The following CAPN14 variants were observed in gnomAD, a reference collection of about 807,000 sequenced individuals.
CAPN14 encodes the protein calpain 14.
CAPN14 carries 94 observed loss-of-function variants against 101.3 expected under a neutral mutation model. That is an observed-to-expected ratio of 0.93 (90% CI 0.79 to 1.10). The LOEUF is 1.10. Among genes scored for constraint, CAPN14 ranks in the 50% least tolerant of loss-of-function variants. The probability of loss-of-function intolerance (pLI) is 0.00; values close to 1 mark genes in which losing one functional copy is unlikely to be tolerated. For missense variants in CAPN14, 837 were observed against 828.4 expected, an observed-to-expected ratio of 1.01 and a Z score of -0.13; for synonymous variants, 338 against 317.9, an observed-to-expected ratio of 1.06 and a Z score of -0.67.
At chr2:31,194,509 G>T (rs1380397277) in intron 8 of CAPN14, 26 bp from the exon 9 acceptor site, 2 of 1,495,782 alleles carry the variant, frequency 1.3e-6, no homozygotes, top group Admixed American at 2.0e-5. Flanking sequence ...GGAATGAAAA[G>T]CTTGTGGGGA....
At chr2:31,227,181 A>T (rs1191874577) in intron 1 of CAPN14, among the ~76,000 whole-genome samples, 1 of 152,166 alleles carries the variant, frequency 6.6e-6, no homozygotes, top group African/African-American at 2.4e-5. Context: ...AACCAGATAC[A>T]CACCGCTGCC....
chr2:31,232,649 C>G (rs1188515637), intron 1 of CAPN14, among the ~76,000 whole-genome samples: 2 of 152,156 alleles, frequency 1.3e-5, no homozygotes, highest in Non-Finnish European at 2.9e-5. Context: ...AAACCATCAG[C>G]TCTCACGAGA....
At chr2:31,177,185 C>T in intron 19 of CAPN14, 43 bp from the exon 20 acceptor site, 1 of 1,376,370 alleles carries the variant, frequency 7.3e-7, no homozygotes, top group Non-Finnish European at 1.0e-6. Context: ...TGGGGGCTTG[C>T]ACCCAGCTCC....
intron 16 of CAPN14, among the ~76,000 whole-genome samples, chr2:31,183,244 C>T (rs1409839273): frequency 7.9e-4 from 120 of 152,088 alleles, no homozygotes; most frequent in Non-Finnish European, 1.5e-3. Flanking sequence ...TAGAAGAAAA[C>T]CTAGGCAATA....
chr2:31,215,093 C>T (rs1390229385), intron 1 of CAPN14, among the ~76,000 whole-genome samples: 1 of 152,186 alleles, frequency 6.6e-6, no homozygotes, highest in Non-Finnish European at 1.5e-5. Context: ...ACTTTCAACC[C>T]CAAGAGGTAG....
At position 31,191,397 on chromosome 2, in the gene CAPN14, AC is replaced by A; in HGVS notation, c.1287+1del. 2 of 1,542,602 alleles carry A rather than the reference AC, an allele frequency of 1.3e-6. No homozygotes were observed. The highest frequency in any genetic ancestry group is 1.7e-6 in the Non-Finnish European group (2 of 1,145,096). ...GGCCACCCGGTCAAGTGCAGAACTC[AC>A]CTTGTTCATCTAAAAAACAAAAACA... On this transcript the variant is annotated splice_donor_variant, in intron 12 of 21. Coordinates refer to ENST00000403897, the MANE Select transcript of CAPN14 (RefSeq NM_001145122.2). LOFTEE classifies it high-confidence loss of function.
rs143738720 is a variant in CAPN14 at position 31,188,519 on chromosome 2, T to C, written c.1494-165A>G. Reference sequence around the variant, plus strand: ...CTCCTGCTTCCCCTTGAACTGTACATTCCAGCCATGTGCACAGCACACTGC... The same window carrying C: ...CTCCTGCTTCCCCTTGAACTGTACACTCCAGCCATGTGCACAGCACACTGC... On this transcript the variant is annotated intron_variant, in intron 13 of 21. Coordinates refer to ENST00000403897, the MANE Select transcript of CAPN14 (RefSeq NM_001145122.2). Among the ~76,000 whole-genome samples, 1,394 of 152,228 alleles carry C rather than the reference T, an allele frequency of 9.2e-3. 30 individuals are homozygous for C. The highest frequency in any genetic ancestry group is 0.032 in the African/African-American group (1,334 of 41,554).
intron 1 of CAPN14, among the ~76,000 whole-genome samples, chr2:31,228,095 G>A (rs952510766): frequency 1.7e-4 from 26 of 152,248 alleles, no homozygotes; most frequent in African/African-American, 1.7e-4. Flanking sequence ...GCACGCATGC[G>A]TGCATGGTTG....
At position 31,177,153 on chromosome 2, in the gene CAPN14, C is replaced by T; in HGVS notation, c.1856-11G>A. The T allele has an allele frequency of 6.5e-7, 1 of 1,541,836 alleles. No homozygotes were observed. Among genetic ancestry groups the T allele is most frequent in the Non-Finnish European group, 8.8e-7 (1 of 1,139,112 alleles). On this transcript the variant is annotated splice_polypyrimidine_tract_variant and intron_variant, in intron 19 of 21. Transcript: ENST00000403897. Reference sequence around the variant, plus strand: ...CACTGAGCATGATTCCTGCATTGAGCACAAGCTCCTGCTGTGGGTATTGGG... The same window carrying T: ...CACTGAGCATGATTCCTGCATTGAGTACAAGCTCCTGCTGTGGGTATTGGG...
intron 5 of CAPN14, among the ~76,000 whole-genome samples, chr2:31,201,411 G>A (rs141656669): frequency 5.3e-4 from 80 of 152,276 alleles, no homozygotes; most frequent in African/African-American, 1.9e-3. Flanking sequence ...CAAGCAGGTG[G>A]ATCCCCTGCT....
rs141441907 is a variant in CAPN14 at position 31,204,600 on chromosome 2, T to C, written c.225+623A>G. 1.2e-3 allele frequency among the ~76,000 whole-genome samples: 181 copies of C among 152,100 alleles called. 1 individual carries two copies. In the Middle Eastern group the frequency reaches 0.014, roughly 11 times the overall value. On this transcript the variant is annotated intron_variant, in intron 2 of 21. Transcript: ENST00000403897. ...TCATGCCTAGGTAATAAAGCCTCTA[T>C]AAAAACCCAAAAGGACAGGGTGTAA... is the stretch of plus-strand genomic sequence containing the variant.
chr2:31,219,734 G>C (rs191813368), upstream of CAPN14, among the ~76,000 whole-genome samples: 160 of 152,286 alleles, frequency 1.1e-3, 1 homozygote, highest in Non-Finnish European at 1.7e-3. Context: ...CACAGATGTA[G>C]GTTCACTAAC....
At chr2:31,193,040 C>T (rs983991730) in intron 10 of CAPN14, 91 bp downstream of exon 10, 7 of 1,288,024 alleles carry the variant, frequency 5.4e-6, no homozygotes, top group Non-Finnish European at 6.4e-6. Context: ...TCAGCCAATG[C>T]AGAATTCGTG....
In CAPN14 at chr2:31,187,753, C is replaced by A; in HGVS notation, c.1587+5G>T. ...CTCACCCCCCACCACACCTGTTCAA[C>A]TAACCTTTTCAAAGAATTTGGTGAA... is the stretch of plus-strand genomic sequence containing the variant. On this transcript the variant is annotated splice_donor_5th_base_variant and intron_variant, in intron 15 of 21. Coordinates refer to ENST00000403897, the MANE Select transcript of CAPN14 (RefSeq NM_001145122.2). The A allele has an allele frequency of 6.4e-7, 1 of 1,551,238 alleles. No individual in the cohort carries two copies. Among genetic ancestry groups the A allele is most frequent in the South Asian group, 1.2e-5 (1 of 84,046 alleles).
Position 31,206,021 on chromosome 2 carries a change from A to ATTTTTTTTTTTTTTTTTTT in CAPN14, c.-52-523_-52-522insAAAAAAAAAAAAAAAAAAA, listed in dbSNP as rs200116287. ...CAAAACCTCCTCCTACATTATCTTT[A>ATTTTTTTTTTTTTTTTTTT]TTTTTTTTATTTATTTATTTTTTTT... is the stretch of plus-strand genomic sequence containing the variant. On this transcript the variant is annotated intron_variant, in intron 1 of 21. Coordinates refer to ENST00000403897, the MANE Select transcript of CAPN14 (RefSeq NM_001145122.2). 1.8e-5 allele frequency among the ~76,000 whole-genome samples: 2 copies of ATTTTTTTTTTTTTTTTTTT among 108,752 alleles called. 1 individual carries two copies. The allele number at this position is 108,752 out of a possible 152,430, so 71.3% of individuals were successfully genotyped here.
In CAPN14 at chr2:31,205,319, G is replaced by A. The variant is rs1223145579; in HGVS notation, c.129C>T (p.Leu43=). The A allele has an allele frequency of 6.4e-7, 1 of 1,551,002 alleles. No individual in the cohort carries two copies. The highest frequency in any genetic ancestry group is 2.0e-5 in the Admixed American group (1 of 51,000). The change falls in exon 2 of 22, where the codon CTC becomes CTT. Residue 43 remains leucine (L), a synonymous_variant. Coordinates refer to ENST00000403897, the MANE Select transcript of CAPN14 (RefSeq NM_001145122.2). ...LLAECLRNGC[L]FEDTSFPATL... ...TGGCCGGGAAGCTGGTGTCTTCAAA[G>A]AGGCAGCCATTCCTCAGGCACTCTG...
At chr2:31,182,740 C>T (rs542253253) in intron 16 of CAPN14, among the ~76,000 whole-genome samples, 132 of 150,720 alleles carry the variant, frequency 8.8e-4, no homozygotes, top group African/African-American at 3.0e-3. Flanking sequence ...GAATCAATAT[C>T]GTGAAAATGG....
intron 1 of CAPN14, among the ~76,000 whole-genome samples, chr2:31,216,619 C>T (rs545100185): frequency 6.6e-6 from 1 of 152,118 alleles, no homozygotes; most frequent in South Asian, 2.1e-4. Flanking sequence ...CAAAGACACC[C>T]CTCACCCTAT....
chr2:31,176,417 T>G, intron 21 of CAPN14, among the ~76,000 whole-genome samples, 170 bp downstream of exon 21: 1 of 152,170 alleles, frequency 6.6e-6, no homozygotes, highest in South Asian at 2.1e-4. Flanking sequence ...CAGAAAATAT[T>G]TGATGGGTGA....
Sources: gnomAD v4.1 joint callset for allele counts (sites outside exome capture counted in the v4.1 genomes callset) on GRCh38, gnomAD v4.1.1 for gene constraint, MANE v1.5 for transcripts, NCBI Gene and HGNC (gene_info 2026-07-23, HGNC 2026-07-21) for gene names.